Variants in THADA observed in about 807,000 individuals in gnomAD.
THADA encodes THADA armadillo repeat containing.
THADA carries 213 observed loss-of-function variants against 219.8 expected under a neutral mutation model. The observed-to-expected ratio is 0.97, with a 90% CI of 0.87 to 1.09. The LOEUF (loss-of-function observed/expected upper bound fraction) is 1.09, where lower values mean the gene tolerates loss of function less well. THADA is among the 50% of genes least tolerant of loss of function. The pLI is 0.00. For missense variants in THADA, 2,956 were observed against 2,311.3 expected (o/e 1.28, Z -5.72); for synonymous variants, 1,018 against 828.9 (o/e 1.23, Z -3.92).
At chr2:43,518,500 C>T (rs1378018798) in intron 22 of THADA, among the ~76,000 whole-genome samples, 1 of 152,078 alleles carries the variant, frequency 6.6e-6, no homozygotes, top group East Asian at 1.9e-4. Context: ...AACTGCTACC[C>T]CAAGAGATCA....
intron 26 of THADA, among the ~76,000 whole-genome samples, chr2:43,432,572 C>T (rs1350985011): frequency 6.6e-6 from 1 of 151,344 alleles, no homozygotes; most frequent in Non-Finnish European, 1.5e-5. Flanking sequence ...AAAACTGTAA[C>T]ATGTCTAACC....
At chr2:43,506,300 T>C (rs1689657370) in intron 23 of THADA, among the ~76,000 whole-genome samples, 2 of 152,186 alleles carry the variant, frequency 1.3e-5, no homozygotes, top group Non-Finnish European at 2.9e-5. Flanking sequence ...GTCCTATATT[T>C]GAAATTTTCA....
intron 7 of THADA, among the ~76,000 whole-genome samples, chr2:43,582,602 C>T (rs1352533378): frequency 6.8e-6 from 1 of 147,854 alleles, no homozygotes; most frequent in Non-Finnish European, 1.5e-5. Context: ...GAGTCTCCCC[C>T]TCTGTCACCC....
chr2:43,420,930 A>C (rs1445820353), intron 28 of THADA, among the ~76,000 whole-genome samples: 2 of 152,244 alleles, frequency 1.3e-5, no homozygotes, highest in African/African-American at 4.8e-5. Flanking sequence ...TAGGCACAGT[A>C]AAAAGGAGGC....
chr2:43,523,242 G>GT (rs1338180459), intron 22 of THADA, among the ~76,000 whole-genome samples: 10 of 151,944 alleles, frequency 6.6e-5, no homozygotes, highest in Non-Finnish European at 1.5e-4. Flanking sequence ...GCAGACACCC[G>GT]TAAGTCCTAG....
At chr2:43,510,093 T>C (rs573943014) in intron 22 of THADA, among the ~76,000 whole-genome samples, 2 of 152,208 alleles carry the variant, frequency 1.3e-5, no homozygotes, top group South Asian at 4.1e-4. Context: ...GAAATTTATA[T>C]ACGTACTAGA....
chr2:43,406,019 C>T (rs1390054247), intron 28 of THADA, among the ~76,000 whole-genome samples: 1 of 152,186 alleles, frequency 6.6e-6, no homozygotes, highest in African/African-American at 2.4e-5. Context: ...CCCAGTGACC[C>T]AGGCTGACAG....
chr2:43,236,039 G>T (rs1667997665), intron 36 of THADA, among the ~76,000 whole-genome samples: 1 of 152,100 alleles, frequency 6.6e-6, no homozygotes, highest in East Asian at 1.9e-4. Context: ...TCGATCTCCT[G>T]ACCTTGTGAT....
intron 26 of THADA, among the ~76,000 whole-genome samples, chr2:43,440,106 G>A (rs1339250289): frequency 6.6e-6 from 1 of 152,118 alleles, no homozygotes; most frequent in Non-Finnish European, 1.5e-5. Context: ...ATAGAACTGT[G>A]TAATAGCATT....
rs1700103897 is a variant in THADA at position 43,578,626 on chromosome 2, G to C, written c.722-19C>G. The C allele has an allele frequency of 1.9e-6, 3 of 1,542,494 alleles. No homozygotes were observed. The highest frequency in any genetic ancestry group is 2.7e-6 in the Non-Finnish European group (3 of 1,127,916). ...AGATCATCTATTTGGCAAAAAAGGA[G>C]AGAAGCTTGTGTTAAATAATGAATA... is the stretch of plus-strand genomic sequence containing the variant. On this transcript the variant is annotated intron_variant, in intron 8 of 37. Coordinates refer to ENST00000405975, the MANE Select transcript of THADA (RefSeq NM_022065.5).
rs1701638281 is a variant in THADA at position 43,592,033 on chromosome 2, C to T, written c.90G>A (p.Val30=). ...DLETLKSFAD[V]EGKNLASLLL... is the part of the protein sequence containing the mutation. ...GCAAAGAAGCTAGATTTTTCCCTTC[C>T]ACATCAGCAAAAGCTATATAACATA... Residue 30 remains valine, a synonymous_variant, in exon 3 of 38, where the codon GTG becomes GTA. Transcript: ENST00000405975. 1 of 1,558,046 alleles carries T rather than the reference C, an allele frequency of 6.4e-7. No homozygotes were observed. Among genetic ancestry groups the T allele is most frequent in the South Asian group, 1.2e-5 (1 of 83,588 alleles).
chr2:43,437,183 T>G (rs1680231620), intron 26 of THADA, among the ~76,000 whole-genome samples: 1 of 152,176 alleles, frequency 6.6e-6, no homozygotes, highest in Non-Finnish European at 1.5e-5. Flanking sequence ...ATAAAGCCAC[T>G]CAGGTTTGCT....
chr2:43,250,041 C>T (rs1186120333), intron 36 of THADA, among the ~76,000 whole-genome samples: 1 of 152,152 alleles, frequency 6.6e-6, no homozygotes, highest in Non-Finnish European at 1.5e-5. Context: ...CCCACAATTC[C>T]ACTCCTAGGT....
intron 24 of THADA, among the ~76,000 whole-genome samples, chr2:43,502,790 G>C (rs1472980765): frequency 6.6e-6 from 1 of 151,728 alleles, no homozygotes; most frequent in Non-Finnish European, 1.5e-5. Context: ...TAGTTTGGGA[G>C]AATATATATG....
chr2:43,561,022 A>AAG, intron 15 of THADA, among the ~76,000 whole-genome samples: 1 of 67,154 alleles, frequency 1.5e-5, no homozygotes, highest in East Asian at 3.4e-4. Context: ...GTCTCAAAAA[A>AAG]AAAAAAAAAA....
intron 29 of THADA, among the ~76,000 whole-genome samples, chr2:43,374,407 C>T (rs149152154): frequency 6.6e-6 from 1 of 152,052 alleles, no homozygotes; most frequent in East Asian, 1.9e-4. Context: ...TTTCTAGAAC[C>T]GTTATGAGGA....
chr2:43,350,812 G>T (rs1668168521), intron 29 of THADA, among the ~76,000 whole-genome samples: 1 of 152,224 alleles, frequency 6.6e-6, no homozygotes, highest in Admixed American at 6.5e-5. Flanking sequence ...TATTGGGTAA[G>T]AATACATCCT....
chr2:43,474,623 C>T (rs1685292965), intron 26 of THADA, among the ~76,000 whole-genome samples: 1 of 152,054 alleles, frequency 6.6e-6, no homozygotes, highest in African/African-American at 2.4e-5. Flanking sequence ...AAAATGGAAC[C>T]AGCGGCATAA....
chr2:43,522,947 T>C (rs530333842), intron 22 of THADA, among the ~76,000 whole-genome samples: 3 of 152,088 alleles, frequency 2.0e-5, no homozygotes, highest in Admixed American at 2.0e-4. Context: ...AAAAAGAATA[T>C]GGCTCCCCAA....
Sources: gnomAD v4.1 joint callset for allele counts (sites outside exome capture counted in the v4.1 genomes callset) on GRCh38, gnomAD v4.1.1 for gene constraint, MANE v1.5 for transcripts, NCBI Gene and HGNC (gene_info 2026-07-23, HGNC 2026-07-21) for gene names.